The following KRABD5 variants were observed in gnomAD, a reference collection of about 807,000 sequenced individuals.
KRABD5 encodes the protein KRAB domain-containing protein 5.
the KRABD5 span, among the ~76,000 whole-genome samples, chr16:31,740,395 G>T: frequency 6.6e-6 from 1 of 152,022 alleles, no homozygotes. Flanking sequence ...TTATTTTTCA[G>T]CTCCATACTT....
the KRABD5 span, among the ~76,000 whole-genome samples, chr16:31,753,433 G>C: frequency 6.6e-6 from 1 of 152,118 alleles, no homozygotes; most frequent in African/African-American, 2.4e-5. Context: ...CATATGTTTT[G>C]CTCCTTTTAT....
the KRABD5 span, among the ~76,000 whole-genome samples, chr16:31,731,712 T>C: frequency 4.6e-5 from 7 of 152,182 alleles, no homozygotes; most frequent in East Asian, 1.9e-4. Context: ...GTGAGACTAA[T>C]GTCAGCAAGT....
the KRABD5 span, among the ~76,000 whole-genome samples, chr16:31,739,850 C>T: frequency 3.3e-5 from 5 of 152,198 alleles, no homozygotes; most frequent in Non-Finnish European, 7.3e-5. Context: ...CTGGCCCACC[C>T]AGGGTGGAAA....
the KRABD5 span, chr16:31,754,276 C>T: frequency 6.4e-6 from 4 of 628,554 alleles, no homozygotes; most frequent in Admixed American, 2.8e-5. Context: ...GTTTGTTTCA[C>T]CAACAAATAA....
At chr16:31,742,904 G>T in the KRABD5 span, among the ~76,000 whole-genome samples, 5 of 152,280 alleles carry the variant, frequency 3.3e-5, no homozygotes, top group South Asian at 1.0e-3. Flanking sequence ...GCATTTATCT[G>T]ATGATCAGTC....
chr16:31,755,228 T>A, the KRABD5 span: 1 of 477,010 alleles, frequency 2.1e-6, no homozygotes, highest in South Asian at 1.5e-5. Flanking sequence ...ATGTAAATCA[T>A]GTAGCAAATC....
the KRABD5 span, among the ~76,000 whole-genome samples, chr16:31,734,054 G>A: frequency 5.9e-5 from 9 of 152,002 alleles, no homozygotes; most frequent in Admixed American, 3.3e-4. Flanking sequence ...ATATTTATAG[G>A]TTTTATGTTT....
At chr16:31,747,348 C>T in the KRABD5 span, among the ~76,000 whole-genome samples, 1 of 152,210 alleles carries the variant, frequency 6.6e-6, no homozygotes, top group South Asian at 2.1e-4. Flanking sequence ...CATAGTATTC[C>T]ATGGTGTATA....
chr16:31,730,830 G>A, the KRABD5 span, among the ~76,000 whole-genome samples: 22 of 151,776 alleles, frequency 1.4e-4, no homozygotes, highest in Non-Finnish European at 2.8e-4. Context: ...AAAACTGTTA[G>A]ATTTTTTCAG....
At chr16:31,724,102 A>T in the KRABD5 span, among the ~76,000 whole-genome samples, 1 of 151,962 alleles carries the variant, frequency 6.6e-6, no homozygotes, top group Non-Finnish European at 1.5e-5. Flanking sequence ...TGAACTTTCA[A>T]CTCTTACCTT....
the KRABD5 span, chr16:31,759,201 A>G: frequency 1.4e-6 from 1 of 732,048 alleles, no homozygotes; most frequent in South Asian, 2.3e-5. Flanking sequence ...ATGTCCATTA[A>G]TAAGAAAATG....
the KRABD5 span, among the ~76,000 whole-genome samples, chr16:31,748,409 G>C: frequency 6.6e-6 from 1 of 152,240 alleles, no homozygotes; most frequent in Non-Finnish European, 1.5e-5. Flanking sequence ...AGTATAGTTT[G>C]AAGTCAGGTA....
the KRABD5 span, chr16:31,713,509 T>G: frequency 6.4e-7 from 1 of 1,553,118 alleles, no homozygotes; most frequent in Non-Finnish European, 8.7e-7. Flanking sequence ...CTCTTTGAGG[T>G]TAGCTTCGGG....
chr16:31,737,781 C>T, the KRABD5 span, among the ~76,000 whole-genome samples: 3 of 152,042 alleles, frequency 2.0e-5, no homozygotes, highest in Admixed American at 6.6e-5. Flanking sequence ...ATTGTTTATC[C>T]ATCTGTGGAA....
chr16:31,719,242 C>G, the KRABD5 span, among the ~76,000 whole-genome samples: 1 of 152,188 alleles, frequency 6.6e-6, no homozygotes, highest in Non-Finnish European at 1.5e-5. Flanking sequence ...CTTATTTGAC[C>G]TTGTGAGTTC....
At chr16:31,718,073 T>C in the KRABD5 span, among the ~76,000 whole-genome samples, 1 of 152,156 alleles carries the variant, frequency 6.6e-6, no homozygotes, top group Non-Finnish European at 1.5e-5. Context: ...TGAGTAGGCC[T>C]GAGAATCTCA....
the KRABD5 span, among the ~76,000 whole-genome samples, chr16:31,726,220 ATT>A: frequency 2.6e-5 from 4 of 152,170 alleles, no homozygotes; most frequent in South Asian, 6.2e-4. Flanking sequence ...AGCATCATTT[ATT>A]GAAGAGACCA....
chr16:31,729,421 C>T, the KRABD5 span, among the ~76,000 whole-genome samples: 1 of 152,166 alleles, frequency 6.6e-6, no homozygotes, highest in Non-Finnish European at 1.5e-5. Context: ...TGGCCAAAGG[C>T]ACGAGGGGGA....
chr16:31,746,776 T>A, the KRABD5 span, among the ~76,000 whole-genome samples: 6 of 152,200 alleles, frequency 3.9e-5, no homozygotes. Flanking sequence ...TCAGTCTTTT[T>A]GTGAAGTCAC....
Sources: allele counts gnomAD v4.1 joint callset (sites outside exome capture counted in the v4.1 genomes callset), GRCh38; gene constraint gnomAD v4.1.1; transcripts MANE v1.5; gene names NCBI Gene and HGNC (gene_info 2026-07-23, HGNC 2026-07-21).